Variants in LRRTM4 observed in about 807,000 individuals in gnomAD.
LRRTM4 encodes the protein leucine-rich repeat transmembrane neuronal protein 4.
LRRTM4 carries 25 observed loss-of-function variants against 47.6 expected under a neutral mutation model. The observed-to-expected ratio is 0.53, with a 90% CI of 0.38 to 0.73. The LOEUF is 0.73. Ranked by LOEUF, LRRTM4 falls within the 30% of genes least tolerant of loss-of-function variation. The pLI is 0.00. For missense variants in LRRTM4, 638 were observed against 713.4 expected (o/e 0.89, Z 1.20); for synonymous variants, 311 against 269.5 (o/e 1.15, Z -1.51).
At chr2:77,067,646 A>G (rs972775710) in intron 3 of LRRTM4, among the ~76,000 whole-genome samples, 3 of 151,990 alleles carry the variant, frequency 2.0e-5, no homozygotes, top group Admixed American at 2.0e-4. Context: ...TATGAAAAAC[A>G]TAAAAAGAAG....
intron 3 of LRRTM4, among the ~76,000 whole-genome samples, chr2:77,180,771 TGAAA>T (rs1256206810): frequency 6.6e-6 from 1 of 152,128 alleles, no homozygotes; most frequent in Non-Finnish European, 1.5e-5. Context: ...AAGAGCTATG[TGAAA>T]GAGATACCAC....
chr2:77,023,130 G>T lies in LRRTM4; in HGVS notation c.1552-274214C>A, dbSNP rs181593576. On this transcript the variant is annotated intron_variant, in intron 3 of 3. Transcript: ENST00000409884. ...GCAGGCTCAACACCATGTGGAAGCTGCCAGGGCTTGGGGTTTGCACCCTTT... is the reference window on the plus strand; with the variant it reads ...GCAGGCTCAACACCATGTGGAAGCTTCCAGGGCTTGGGGTTTGCACCCTTT... Among the ~76,000 whole-genome samples the T allele has an allele frequency of 2.9e-3, 445 of 152,344 alleles. 6 individuals carry two copies. The highest frequency in any genetic ancestry group is 9.3e-3 in the African/African-American group (385 of 41,588).
rs868251161 is a variant in LRRTM4 at position 77,384,879 on chromosome 2, C to T, written c.1551+133439G>A. On this transcript the variant is annotated intron_variant, in intron 3 of 3. Coordinates refer to ENST00000409884, the MANE Select transcript of LRRTM4 (RefSeq NM_001134745.3). ...TATCTTGCTATAAGCTAAAATCCACCTCTAGCAAAGACAAATTTCATGTTA... is the reference window on the plus strand; with the variant it reads ...TATCTTGCTATAAGCTAAAATCCACTTCTAGCAAAGACAAATTTCATGTTA... Among the ~76,000 whole-genome samples the T allele has an allele frequency of 2.6e-5, 4 of 151,970 alleles. No homozygotes were observed. In the South Asian group the frequency reaches 8.3e-4, roughly 32 times the overall value.
intron 3 of LRRTM4, among the ~76,000 whole-genome samples, chr2:77,136,746 G>C (rs1572997595): frequency 1.3e-5 from 2 of 152,082 alleles, no homozygotes; most frequent in Middle Eastern, 3.4e-3. Flanking sequence ...TAGATGAATG[G>C]CTAACTAGAA....
intron 3 of LRRTM4, among the ~76,000 whole-genome samples, chr2:76,951,617 ATAAT>A (rs755915138): frequency 2.6e-5 from 4 of 151,966 alleles, no homozygotes; most frequent in Non-Finnish European, 5.9e-5. Context: ...CAGATAATAG[ATAAT>A]TTTTTTCTTT....
intron 3 of LRRTM4, among the ~76,000 whole-genome samples, chr2:76,938,220 G>A (rs952460475): frequency 1.3e-5 from 2 of 152,028 alleles, no homozygotes; most frequent in Non-Finnish European, 2.9e-5. Flanking sequence ...CAAGTACAGA[G>A]AGACTCCAGA....
chr2:76,928,594 C>A (rs1266883990), intron 3 of LRRTM4, among the ~76,000 whole-genome samples: 2 of 152,078 alleles, frequency 1.3e-5, no homozygotes, highest in Admixed American at 1.3e-4. Context: ...GATTTCAGGG[C>A]ATAGAATAAA....
At chr2:76,845,162 T>A (rs1452984026) in intron 3 of LRRTM4, among the ~76,000 whole-genome samples, 2 of 152,074 alleles carry the variant, frequency 1.3e-5, no homozygotes, top group Non-Finnish European at 2.9e-5. Flanking sequence ...TACCAATGCA[T>A]ATGACACAAC....
intron 3 of LRRTM4, among the ~76,000 whole-genome samples, chr2:76,847,334 A>T (rs1439116615): frequency 6.6e-6 from 1 of 152,152 alleles, no homozygotes; most frequent in African/African-American, 2.4e-5. Context: ...CTGTAACAAT[A>T]ATTATGATTA....
intron 3 of LRRTM4, among the ~76,000 whole-genome samples, chr2:76,780,941 G>T (rs1334798526): frequency 6.6e-6 from 1 of 152,188 alleles, no homozygotes; most frequent in African/African-American, 2.4e-5. Context: ...GGTTTGTGGT[G>T]TGGATGTCCT....
intron 3 of LRRTM4, chr2:77,008,938 G>GAAAAAAA (rs1346602340): frequency 2.4e-5 from 2 of 81,912 alleles, no homozygotes; most frequent in Non-Finnish European, 2.3e-5. Flanking sequence ...GAGCCAACAA[G>GAAAAAAA]AAAAAAAAGA....
chr2:76,916,393 AAAAAAAAAAAAAAAG>A (rs920357126), intron 3 of LRRTM4, among the ~76,000 whole-genome samples: 3 of 148,060 alleles, frequency 2.0e-5, no homozygotes, highest in African/African-American at 7.6e-5. Context: ...TCAAAAAAAA[AAAAAAAAAAAAAAAG>A]AAAAGAAAAA....
At chr2:77,249,331 CA>C (rs1448663808) in intron 3 of LRRTM4, among the ~76,000 whole-genome samples, 3 of 151,772 alleles carry the variant, frequency 2.0e-5, no homozygotes, top group Admixed American at 2.0e-4. Context: ...GCCTGGGTGA[CA>C]ATAGCAAAAC....
At chr2:77,313,212 C>T (rs1474363528) in intron 3 of LRRTM4, among the ~76,000 whole-genome samples, 2 of 151,504 alleles carry the variant, frequency 1.3e-5, no homozygotes, top group Admixed American at 6.6e-5. Context: ...ATGTGCCTCC[C>T]GATGTTTTCC....
chr2:77,229,887 A>G (rs545764232), intron 3 of LRRTM4, among the ~76,000 whole-genome samples: 1 of 152,202 alleles, frequency 6.6e-6, no homozygotes, highest in South Asian at 2.1e-4. Flanking sequence ...TTTTTTCTAT[A>G]TAAAATATAT....
intron 3 of LRRTM4, among the ~76,000 whole-genome samples, chr2:77,387,609 T>C (rs908579773): frequency 6.6e-6 from 1 of 152,138 alleles, no homozygotes; most frequent in Non-Finnish European, 1.5e-5. Flanking sequence ...CAATTCATGC[T>C]GCCTGCTTTG....
intron 3 of LRRTM4, among the ~76,000 whole-genome samples, chr2:77,084,592 T>C (rs905192947): frequency 3.3e-5 from 5 of 152,224 alleles, no homozygotes; most frequent in African/African-American, 1.2e-4. Flanking sequence ...GCTGTACATC[T>C]ACATGTAATG....
Position 76,925,372 on chromosome 2 carries a change from C to G in LRRTM4, c.1552-176456G>C, listed in dbSNP as rs185041304. ...TGAATGAGCCTGAAAGAGGACCAAG[C>G]CTTTAACAAAAATCACAGCCTCAGC... On this transcript the variant is annotated intron_variant, in intron 3 of 3. Coordinates refer to ENST00000409884, the MANE Select transcript of LRRTM4 (RefSeq NM_001134745.3). Among the ~76,000 whole-genome samples, 3 of 152,198 alleles carry G rather than the reference C, an allele frequency of 2.0e-5. No homozygotes were observed. The East Asian group carries it at 5.8e-4, about 30-fold the overall frequency.
intron 3 of LRRTM4, among the ~76,000 whole-genome samples, chr2:77,503,162 C>A (rs368979145): frequency 6.6e-6 from 1 of 151,072 alleles, no homozygotes; most frequent in African/African-American, 2.4e-5. Context: ...GGAAGCTGCA[C>A]CTTGCCTGTA....
Sources: allele counts gnomAD v4.1 joint callset (sites outside exome capture counted in the v4.1 genomes callset), GRCh38; gene constraint gnomAD v4.1.1; transcripts MANE v1.5; gene names NCBI Gene and HGNC (gene_info 2026-07-23, HGNC 2026-07-21).